Variants in UNC13A observed in about 807,000 individuals in gnomAD.
UNC13A encodes the protein protein unc-13 homolog A.
In UNC13A, 61 loss-of-function variants were observed where a neutral mutation model predicts 219.7. The observed-to-expected ratio is 0.28, with a 90% confidence interval of 0.23 to 0.34. The LOEUF is 0.34. UNC13A is among the 10% of genes least tolerant of loss of function. The probability of loss-of-function intolerance (pLI) is 1.00; values close to 1 mark genes in which losing one functional copy is unlikely to be tolerated. For missense variants in UNC13A, 1,476 were observed against 2,270.3 expected (o/e 0.65, Z 7.11); for synonymous variants, 920 against 884.6 (o/e 1.04, Z -0.71).
Position 17,636,277 on chromosome 19 carries a change from A to T in UNC13A, c.3082-120T>A, listed in dbSNP as rs2076912693. The T allele has an allele frequency of 4.0e-6, 5 of 1,243,902 alleles. No individual in the cohort carries two copies. In the African/African-American group the frequency reaches 6.0e-5, roughly 15 times the overall value. 77.1% of individuals were successfully genotyped at this position (1,243,902 alleles called of 1,614,324 possible). On this transcript the variant is annotated intron_variant, in intron 25 of 43. Transcript: ENST00000519716. ...CATCCCATCATCATGTGTATGGTTC[A>T]GGTAAGAAATCTATATAGAGAGGAA... is the stretch of plus-strand genomic sequence containing the variant.
intron 41 of UNC13A, among the ~76,000 whole-genome samples, chr19:17,616,172 T>C (rs925622389): frequency 6.6e-5 from 10 of 152,130 alleles, no homozygotes; most frequent in African/African-American, 2.4e-4. Flanking sequence ...TTAAAAAATA[T>C]GTCATATCAG....
intron 35 of UNC13A, 45 bp from the exon 36 acceptor site, chr19:17,623,592 A>G: frequency 9.7e-7 from 1 of 1,028,190 alleles, no homozygotes; most frequent in Non-Finnish European, 1.4e-6. Context: ...GGGGGGAATA[A>G]GGTACCATGA....
intron 11 of UNC13A, among the ~76,000 whole-genome samples, chr19:17,654,687 G>A (rs1357974667): frequency 6.6e-6 from 1 of 152,040 alleles, no homozygotes; most frequent in African/African-American, 2.4e-5. Context: ...CTACTGAGCC[G>A]GCCCCAGACC....
At chr19:17,609,916 C>G (rs763942347) in intron 43 of UNC13A, 24 bp downstream of exon 43, 1 of 1,612,124 alleles carries the variant, frequency 6.2e-7, no homozygotes, top group East Asian at 2.2e-5. Context: ...TGCCCCCATG[C>G]TCTTCAAAGC....
chr19:17,647,723 C>T (rs1296249639), intron 16 of UNC13A, among the ~76,000 whole-genome samples: 2 of 151,828 alleles, frequency 1.3e-5, no homozygotes, highest in Non-Finnish European at 2.9e-5. Context: ...CTTCTCTGCC[C>T]CGCACCCCTT....
intron 43 of UNC13A, among the ~76,000 whole-genome samples, chr19:17,608,291 AATATATACT>A (rs1390985633): frequency 7.1e-6 from 1 of 139,948 alleles, no homozygotes. Flanking sequence ...TATATAATAT[AATATATACT>A]ATATATAATT....
intron 39 of UNC13A, 150 bp from the exon 40 acceptor site, chr19:17,618,651 A>C: frequency 1.2e-6 from 1 of 828,846 alleles, no homozygotes; most frequent in Non-Finnish European, 1.9e-6. Flanking sequence ...ACTGGTACAC[A>C]GCAGGTGCTC....
rs1174830371 is a variant in UNC13A at position 17,629,340 on chromosome 19, G to T, written c.3670-17C>A. 6.2e-7 allele frequency: 1 copy of T among 1,602,442 alleles called. No homozygotes were observed. Among genetic ancestry groups the T allele is most frequent in the South Asian group, 1.1e-5 (1 of 88,874 alleles). On this transcript the variant is annotated splice_polypyrimidine_tract_variant and intron_variant, in intron 30 of 43. Coordinates refer to ENST00000519716, the MANE Select transcript of UNC13A (RefSeq NM_001080421.3). ...ACTGATGGTCTGGGGAAGACACAGA[G>T]TGTGGGTGAGAGGAGAGGCTGGCAC... is the stretch of plus-strand genomic sequence containing the variant.
intron 43 of UNC13A, among the ~76,000 whole-genome samples, chr19:17,609,430 T>C: frequency 6.7e-6 from 1 of 149,982 alleles, no homozygotes; most frequent in Admixed American, 6.6e-5. Context: ...CCATCTACAC[T>C]CCACTCCTGT....
chr19:17,685,977 G>A (rs1237666234), intron 1 of UNC13A, among the ~76,000 whole-genome samples: 2 of 151,358 alleles, frequency 1.3e-5, no homozygotes, highest in African/African-American at 2.4e-5. Flanking sequence ...CTCTCCCTGG[G>A]AGACTGGCCT....
At position 17,605,834 on chromosome 19, in the gene UNC13A, T is replaced by C; in HGVS notation, c.*220A>G. 1 of 474,766 alleles carries C rather than the reference T, an allele frequency of 2.1e-6. No homozygotes were observed. 29.4% of individuals were successfully genotyped at this position (474,766 alleles called of 1,614,324 possible). The stretch of plus-strand genomic sequence containing the variant: ...TCAAGTTGGGGATGTGGCTCCTTCC[T>C]TCGTCGCGCCCTTGGGCGTGGCCTC... On this transcript the variant is annotated 3_prime_UTR_variant, in exon 44 of 44. Coordinates refer to ENST00000519716, the MANE Select transcript of UNC13A (RefSeq NM_001080421.3).
rs2079291570 is a variant in UNC13A, at chr19:17,648,797, T to C, written c.1596+115A>G. 3.4e-6 allele frequency: 5 copies of C among 1,485,192 alleles called. No homozygotes were observed. The Admixed American group carries it at 1.1e-4, about 32-fold the overall frequency. The allele number at this position is 1,485,192 out of a possible 1,614,324, so 92.0% of individuals were successfully genotyped here. A position where few individuals can be genotyped will look rare whatever the true frequency, so the allele number is the denominator to read the frequency against. ...CGGAATCCACGCTGCCTTCTGCCAG[T>C]CTGTGTCACACACACACCCTTCCTC... On this transcript the variant is annotated intron_variant, in intron 15 of 43. Coordinates refer to ENST00000519716, the MANE Select transcript of UNC13A (RefSeq NM_001080421.3).
chr19:17,610,499 G>T (rs143937140), intron 42 of UNC13A, among the ~76,000 whole-genome samples: 263 of 151,990 alleles, frequency 1.7e-3, no homozygotes, highest in African/African-American at 6.0e-3. Flanking sequence ...CCCACCCCTC[G>T]CCCGCCGCCA....
At position 17,605,656 on chromosome 19, in the gene UNC13A, G is replaced by C. The variant is rs1568493632; in HGVS notation, c.*398C>G. ...TTTCCATACTTGGCAATTGGTCTGG[G>C]GTCCCAGGGGTCTGGGTCCCATCTT... On this transcript the variant is annotated 3_prime_UTR_variant, in exon 44 of 44. Transcript: ENST00000519716. 5.7e-6 allele frequency: 1 copy of C among 176,938 alleles called. No homozygotes were observed. 11.0% of individuals were successfully genotyped at this position (176,938 alleles called of 1,614,324 possible).
rs916549010 is a variant in UNC13A, at chr19:17,666,504, G to A, written c.523+146C>T. 4.3e-5 allele frequency: 24 copies of A among 557,534 alleles called. No individual in the cohort carries two copies. The Admixed American group carries it at 4.9e-4, about 11-fold the overall frequency. The allele number at this position is 557,534 out of a possible 1,614,324, so 34.5% of individuals were successfully genotyped here. ...GAGCCACCATGCCCAGCCTCAGAAC[G>A]CTGATTTCTAATACACTGTAAGTGG... On this transcript the variant is annotated intron_variant, in intron 7 of 43. Transcript: ENST00000519716.
chr19:17,646,254 A>G, intron 17 of UNC13A, 143 bp from the exon 18 acceptor site: 1 of 1,078,494 alleles, frequency 9.3e-7, no homozygotes, highest in Non-Finnish European at 1.3e-6. Flanking sequence ...TGGGCTTGCC[A>G]GAGAGGTTTT....
At chr19:17,685,645 C>T (rs532112303) in intron 1 of UNC13A, among the ~76,000 whole-genome samples, 69 of 152,320 alleles carry the variant, frequency 4.5e-4, no homozygotes, top group African/African-American at 1.6e-3. Context: ...CCTATATACA[C>T]GTGTATGCTT....
At chr19:17,668,493 A>T (rs1345907684) in intron 5 of UNC13A, among the ~76,000 whole-genome samples, 1 of 152,032 alleles carries the variant, frequency 6.6e-6, no homozygotes, top group Non-Finnish European at 1.5e-5. Context: ...TTTAATTTTT[A>T]AATTGTTTTT....
intron 19 of UNC13A, among the ~76,000 whole-genome samples, chr19:17,643,422 C>A (rs2076991994): frequency 1.3e-5 from 2 of 152,014 alleles, no homozygotes; most frequent in African/African-American, 4.8e-5. Flanking sequence ...TGAGTTCAAG[C>A]AATTGTCTTG....
Sources: allele counts gnomAD v4.1 joint callset (sites outside exome capture counted in the v4.1 genomes callset), GRCh38; gene constraint gnomAD v4.1.1; transcripts MANE v1.5; gene names NCBI Gene and HGNC (gene_info 2026-07-23, HGNC 2026-07-21).